Variants in CRTC2 observed in about 807,000 individuals in gnomAD.
CRTC2 encodes CREB-regulated transcription coactivator 2.
Under a neutral mutation model 70.9 loss-of-function variants are expected in CRTC2, and 25 were observed. The ratio of observed to expected loss-of-function variants is 0.35; its 90% CI spans 0.26 to 0.49. The LOEUF (loss-of-function observed/expected upper bound fraction) is 0.49, where lower values mean the gene tolerates loss of function less well. Ranked by LOEUF, CRTC2 falls within the 20% of genes least tolerant of loss-of-function variation. The pLI, the probability that CRTC2 is intolerant of heterozygous loss-of-function variation, is 0.98. For synonymous variants in CRTC2, 330 were observed against 364.1 expected (o/e 0.91, Z 1.07); for missense variants, 737 against 882.6 (o/e 0.83, Z 2.09).
At position 153,953,574 on chromosome 1, in the gene CRTC2, T is replaced by C; in HGVS notation, c.467A>G (p.Lys156Arg). The C allele has an allele frequency of 6.2e-7, 1 of 1,610,988 alleles. No individual in the cohort carries two copies. The highest frequency in any genetic ancestry group is 8.5e-7 in the Non-Finnish European group (1 of 1,179,336). ...AGATGGTAGTCGAAACAACTGCCCC[T>C]TCTCTGCAGGGAAATTGCCCCAGGC... ...TMAWGNFPAE[K>R]GQLFRLPSAL... The change falls in exon 5 of 14, where the codon AAG (lysine) becomes AGG (arginine). Residue 156 changes from lysine to arginine, a missense_variant. By Grantham distance (26) the Lys-to-Arg change is conservative (BLOSUM62 2). This residue lies in a region of CRTC2 where 699 missense variants were observed against 823.7 expected (regional missense o/e 0.85). Transcript: ENST00000368633.
At position 153,949,382 on chromosome 1, in the gene CRTC2, G is replaced by A. The variant is rs750087829; in HGVS notation, c.1407C>T (p.Gly469=). The A allele has an allele frequency of 3.2e-5, 52 of 1,603,482 alleles. No homozygotes were observed. The Admixed American group carries it at 3.6e-4, about 11-fold the overall frequency. Reference sequence around the variant, plus strand: ...ACAGTTTACTGGTATCCAGGGGGACGCCCTGAAAAGAAGTAAAAAGAGGGA... The same window carrying A: ...ACAGTTTACTGGTATCCAGGGGGACACCCTGAAAAGAAGTAAAAAGAGGGA... ...MSPTLSSITQ[G]VPLDTSKLST... is the part of the protein sequence containing the mutation. The change falls in exon 12 of 14, where the codon GGC becomes GGT. Residue 469 remains glycine (G), a splice_region_variant and synonymous_variant. Transcript: ENST00000368633.
At position 153,949,293 on chromosome 1, in the gene CRTC2, G is replaced by A. The variant is rs1680194726; in HGVS notation, c.1496C>T (p.Pro499Leu). The change falls in exon 12 of 14, where the codon CCC (proline) becomes CTC (leucine). Residue 499 changes from proline (P) to leucine (L), a missense_variant. Coordinates refer to ENST00000368633, the MANE Select transcript of CRTC2 (RefSeq NM_181715.3). ...SSPSLVLPTQ[P>L]HTPKSLQQPG... Reference sequence around the variant, plus strand: ...CTGCTGTAGAGACTTTGGGGTGTGGGGCTGGGTAGGCAGAACCAGACTTGG... The same window carrying A: ...CTGCTGTAGAGACTTTGGGGTGTGGAGCTGGGTAGGCAGAACCAGACTTGG... 1.2e-6 allele frequency: 2 copies of A among 1,614,132 alleles called. No homozygotes were observed. The highest frequency in any genetic ancestry group is 1.7e-6 in the Non-Finnish European group (2 of 1,180,016).
Position 153,952,109 on chromosome 1 carries a change from A to G in CRTC2, c.906T>C (p.Ser302=). The G allele has an allele frequency of 6.2e-7, 1 of 1,613,592 alleles. No homozygotes were observed. The highest frequency in any genetic ancestry group is 8.5e-7 in the Non-Finnish European group (1 of 1,179,848). ...TCAAATTGGAGGTACTGTTGCCCCC[A>G]CTCAGGCTAGGGTAGGCTGTCTCTT... is the stretch of plus-strand genomic sequence containing the variant. ...DPEETAYPSL[S]GGNSTSNLTH... Residue 302 remains serine, a synonymous_variant, in exon 10 of 14, where the codon AGT becomes AGC. Coordinates refer to ENST00000368633, the MANE Select transcript of CRTC2 (RefSeq NM_181715.3).
rs751929650 is a variant in CRTC2 at position 153,948,345 on chromosome 1, A to T, written c.1862-16T>A. ...GAGGAGTCCCCTGTGGGTAGAAGAG[A>T]CAGGTGAGGACCCCATGTCCTGTAA... On this transcript the variant is annotated splice_polypyrimidine_tract_variant and intron_variant, in intron 13 of 13. Transcript: ENST00000368633. 1.2e-6 allele frequency: 2 copies of T among 1,614,106 alleles called. No homozygotes were observed. Among genetic ancestry groups the T allele is most frequent in the Non-Finnish European group, 1.7e-6 (2 of 1,179,924 alleles).
At chr1:153,953,992 C>T (rs1410912006) in intron 4 of CRTC2, among the ~76,000 whole-genome samples, 1 of 152,210 alleles carries the variant, frequency 6.6e-6, no homozygotes, top group Non-Finnish European at 1.5e-5. Flanking sequence ...CTCCCCCTTA[C>T]ACACACACCC....
chr1:153,948,346 C>T lies in CRTC2; in HGVS notation c.1862-17G>A. On this transcript the variant is annotated splice_polypyrimidine_tract_variant and intron_variant, in intron 13 of 13. Transcript: ENST00000368633. ...AGGAGTCCCCTGTGGGTAGAAGAGA[C>T]AGGTGAGGACCCCATGTCCTGTAAA... 1 of 1,614,078 alleles carries T rather than the reference C, an allele frequency of 6.2e-7. No homozygotes were observed. The highest frequency in any genetic ancestry group is 8.5e-7 in the Non-Finnish European group (1 of 1,179,916).
chr1:153,954,744 G>T, intron 3 of CRTC2, 129 bp downstream of exon 3: 1 of 821,724 alleles, frequency 1.2e-6, no homozygotes, highest in Non-Finnish European at 2.0e-6. Flanking sequence ...TCGCTTTTCA[G>T]GGAAGCTGGG....
intron 12 of CRTC2, chr1:153,948,896 G>A (rs1461366690): frequency 2.7e-6 from 2 of 740,572 alleles, no homozygotes; most frequent in East Asian, 2.7e-5. Context: ...TCATCAAAGA[G>A]CAAGCTGAGC....
In CRTC2 at chr1:153,951,287, CATT is replaced by C. The variant is rs765723874; in HGVS notation, c.1374_1376del (p.Met459del). On this transcript the variant is annotated inframe_deletion, in exon 11 of 14. Coordinates refer to ENST00000368633, the MANE Select transcript of CRTC2 (RefSeq NM_181715.3). ...GAGTGATGGAAGACAAGGTGGGTGA[CATT>C]GTTGGCGAAAACTGTTTGGGCAGCT... 2 of 1,613,866 alleles carry C rather than the reference CATT, an allele frequency of 1.2e-6. No individual in the cohort carries two copies. The highest frequency in any genetic ancestry group is 1.7e-5 in the Admixed American group (1 of 59,984).
intron 11 of CRTC2, 50 bp downstream of exon 11, chr1:153,951,210 A>T (rs374560657): frequency 1.0e-4 from 163 of 1,589,532 alleles, no homozygotes; most frequent in Middle Eastern, 1.7e-4. Flanking sequence ...ACAACATGGC[A>T]GGAGAAAAGG....
intron 6 of CRTC2, 169 bp downstream of exon 6, chr1:153,953,097 C>T (rs1436514708): frequency 3.2e-5 from 19 of 602,424 alleles, no homozygotes; most frequent in Non-Finnish European, 4.7e-5. Flanking sequence ...GCAGGAGAAT[C>T]GCTTGAACTC....
Position 153,952,199 on chromosome 1 carries a change from C to G in CRTC2, c.816G>C (p.Gly272=). ...GGTTGGTGAGGTCAGGTAGGGAGCC[C>G]CCCGTGTTCATGGCAGGTGGGAGGA... ...VPVLPPAMNT[G]GSLPDLTNLH... Residue 272 remains glycine (G), a synonymous_variant, in exon 10 of 14, where the codon GGG becomes GGC. Coordinates refer to ENST00000368633, the MANE Select transcript of CRTC2 (RefSeq NM_181715.3). The G allele has an allele frequency of 6.2e-7, 1 of 1,613,312 alleles. No individual in the cohort carries two copies. Among genetic ancestry groups the G allele is most frequent in the Non-Finnish European group, 8.5e-7 (1 of 1,179,572 alleles).
chr1:153,957,096 T>C (rs1263103865), intron 1 of CRTC2, among the ~76,000 whole-genome samples: 1 of 152,022 alleles, frequency 6.6e-6, no homozygotes, highest in Non-Finnish European at 1.5e-5. Context: ...TGCACACACA[T>C]GCATTTAAGT....
At chr1:153,953,445 C>G in intron 5 of CRTC2, 76 bp from the exon 6 acceptor site, 2 of 1,519,866 alleles carry the variant, frequency 1.3e-6, no homozygotes, top group Non-Finnish European at 1.8e-6. Context: ...CAAGGGAAAA[C>G]ACTAGCTGGT....
chr1:153,948,413 G>A (rs771986271), intron 13 of CRTC2, 45 bp downstream of exon 13: 44 of 1,609,398 alleles, frequency 2.7e-5, no homozygotes, highest in Non-Finnish European at 3.4e-5. Flanking sequence ...TAGTGAATGT[G>A]TCACTTCCTC....
intron 7 of CRTC2, 50 bp from the exon 8 acceptor site, chr1:153,952,685 G>C (rs777961219): frequency 1.9e-6 from 3 of 1,610,286 alleles, no homozygotes; most frequent in Non-Finnish European, 2.6e-6. Context: ...GAGCCAGTAA[G>C]GCAGGACAGG....
intron 10 of CRTC2, 145 bp from the exon 11 acceptor site, chr1:153,951,811 C>T: frequency 9.5e-7 from 1 of 1,056,272 alleles, no homozygotes; most frequent in Non-Finnish European, 1.4e-6. Context: ...CACTGCCCAT[C>T]TGGGGACTGC....
chr1:153,951,000 A>G (rs1387203414), intron 11 of CRTC2, among the ~76,000 whole-genome samples: 1 of 152,234 alleles, frequency 6.6e-6, no homozygotes, highest in Non-Finnish European at 1.5e-5. Flanking sequence ...GCTTATAGAA[A>G]TTAAATAACT....
chr1:153,951,238 C>T (rs1225048223), intron 11 of CRTC2, 22 bp downstream of exon 11: 2 of 1,611,746 alleles, frequency 1.2e-6, no homozygotes, highest in Non-Finnish European at 1.7e-6. Flanking sequence ...GACAGACATG[C>T]AGGGAAGGCA....
Sources: allele counts gnomAD v4.1 joint callset (sites outside exome capture counted in the v4.1 genomes callset), GRCh38; gene constraint gnomAD v4.1.1; regional missense constraint gnomAD v4.1.1; transcripts MANE v1.5; gene names NCBI Gene and HGNC (gene_info 2026-07-23, HGNC 2026-07-21).